Variants in FAM83B observed in about 807,000 individuals in gnomAD.
FAM83B encodes the protein protein FAM83B.
FAM83B carries 26 observed loss-of-function variants against 38.8 expected under a neutral mutation model. The ratio of observed to expected loss-of-function variants is 0.67; its 90% confidence interval spans 0.49 to 0.93. FAM83B has a LOEUF of 0.93. FAM83B is among the 40% of genes least tolerant of loss of function. The pLI, the probability that FAM83B is intolerant of heterozygous loss-of-function variation, is 0.00. For missense variants in FAM83B, 1,237 were observed against 1,197.3 expected (o/e 1.03, Z -0.49); for synonymous variants, 419 against 423.1 (o/e 0.99, Z 0.12).
rs1437872601 is a variant in FAM83B, at chr6:54,903,838, T to C, written c.445-22533T>C. Among the ~76,000 whole-genome samples the C allele has an allele frequency of 2.6e-5, 4 of 152,046 alleles. No individual in the cohort carries two copies. The South Asian group carries it at 8.3e-4, about 32-fold the overall frequency. On this transcript the variant is annotated intron_variant, in intron 2 of 4. Coordinates refer to ENST00000306858, the MANE Select transcript of FAM83B (RefSeq NM_001010872.3). The stretch of plus-strand genomic sequence containing the variant: ...TTTTTCTCTGACATTTTCTGTACAG[T>C]CTTACATTTCATTTTTCAGGCAAAT...
chr6:54,857,182 A>G (rs1771464960), intron 1 of FAM83B, among the ~76,000 whole-genome samples: 1 of 152,198 alleles, frequency 6.6e-6, no homozygotes, highest in African/African-American at 2.4e-5. Flanking sequence ...TGTTAAATGT[A>G]TTTGGGAAGC....
At chr6:54,878,378 A>T (rs577873561) in intron 2 of FAM83B, among the ~76,000 whole-genome samples, 5 of 152,194 alleles carry the variant, frequency 3.3e-5, no homozygotes, top group Non-Finnish European at 7.4e-5. Flanking sequence ...ATAAATAAGG[A>T]GTGCTAGCAG....
At chr6:54,925,304 A>G (rs1317298689) in intron 2 of FAM83B, among the ~76,000 whole-genome samples, 2 of 151,824 alleles carry the variant, frequency 1.3e-5, no homozygotes, top group Admixed American at 6.6e-5. Context: ...TAATTGACTT[A>G]TTTATTATCT....
At chr6:54,896,619 A>C (rs1772543485) in intron 2 of FAM83B, among the ~76,000 whole-genome samples, 2 of 152,204 alleles carry the variant, frequency 1.3e-5, no homozygotes, top group South Asian at 4.1e-4. Context: ...AATACCATAA[A>C]CACAGCAGCA....
chr6:54,884,889 C>CT lies in FAM83B; in HGVS notation c.444+14199_444+14200insT, dbSNP rs533940523. Among the ~76,000 whole-genome samples the CT allele has an allele frequency of 7.8e-3, 1,191 of 151,962 alleles. 7 individuals are homozygous for CT. Among genetic ancestry groups the CT allele is most frequent in the Non-Finnish European group, 0.013 (851 of 67,970 alleles). On this transcript the variant is annotated intron_variant, in intron 2 of 4. Coordinates refer to ENST00000306858, the MANE Select transcript of FAM83B (RefSeq NM_001010872.3). ...CCGGGTTCACGCCATTCTCCTGCCT[C>CT]AGCCTCTCGAGTAGCTGGGACTACA...
At chr6:54,920,897 G>C (rs1052944013) in intron 2 of FAM83B, among the ~76,000 whole-genome samples, 2 of 151,614 alleles carry the variant, frequency 1.3e-5, no homozygotes, top group Non-Finnish European at 3.0e-5. Context: ...CACTTATATT[G>C]GTCTCCAGAC....
intron 2 of FAM83B, among the ~76,000 whole-genome samples, chr6:54,883,658 T>G (rs1214031201): frequency 1.3e-5 from 2 of 152,068 alleles, no homozygotes; most frequent in Non-Finnish European, 2.9e-5. Flanking sequence ...CTAGGTTATT[T>G]TTCTTTTTAA....
At chr6:54,931,256 T>A (rs1054478163) in intron 4 of FAM83B, among the ~76,000 whole-genome samples, 1 of 152,164 alleles carries the variant, frequency 6.6e-6, no homozygotes, top group Non-Finnish European at 1.5e-5. Flanking sequence ...GAGAAGAATG[T>A]ATATTCTGCT....
chr6:54,873,208 G>A (rs922457973), intron 2 of FAM83B, among the ~76,000 whole-genome samples: 1 of 151,764 alleles, frequency 6.6e-6, no homozygotes, highest in African/African-American at 2.4e-5. Flanking sequence ...CTACCCAGAT[G>A]CAATAAATAT....
chr6:54,860,172 G>A (rs139794553), intron 1 of FAM83B, among the ~76,000 whole-genome samples: 84 of 152,126 alleles, frequency 5.5e-4, no homozygotes, highest in African/African-American at 1.9e-3. Flanking sequence ...AAGCTTTTCT[G>A]CATGTTATTA....
chr6:54,863,053 C>T (rs184124329), intron 1 of FAM83B, among the ~76,000 whole-genome samples: 292 of 152,252 alleles, frequency 1.9e-3, no homozygotes, highest in Middle Eastern at 0.014. Flanking sequence ...AACCACAACA[C>T]ACCTCACTGC....
At chr6:54,929,316 A>G (rs1773373567) in intron 4 of FAM83B, among the ~76,000 whole-genome samples, 1 of 152,090 alleles carries the variant, frequency 6.6e-6, no homozygotes, top group Non-Finnish European at 1.5e-5. Flanking sequence ...TGTTTTCCTC[A>G]TAGGCAAGTT....
intron 2 of FAM83B, among the ~76,000 whole-genome samples, chr6:54,881,116 C>T (rs1040952301): frequency 6.6e-6 from 1 of 152,190 alleles, no homozygotes; most frequent in Non-Finnish European, 1.5e-5. Flanking sequence ...GTGGGAGCTG[C>T]TGTGTCTCCC....
intron 1 of FAM83B, among the ~76,000 whole-genome samples, chr6:54,857,754 T>G (rs1464796730): frequency 6.6e-6 from 1 of 152,118 alleles, no homozygotes; most frequent in African/African-American, 2.4e-5. Context: ...AATAAATATT[T>G]TACTTACTTC....
intron 2 of FAM83B, among the ~76,000 whole-genome samples, chr6:54,880,054 CA>C (rs1158013605): frequency 6.6e-5 from 10 of 151,950 alleles, no homozygotes; most frequent in Non-Finnish European, 1.2e-4. Flanking sequence ...TATTTCTGTA[CA>C]AAAAAAGTTT....
intron 2 of FAM83B, among the ~76,000 whole-genome samples, chr6:54,877,210 G>A (rs1246907077): frequency 2.0e-5 from 3 of 152,218 alleles, no homozygotes; most frequent in South Asian, 2.1e-4. Flanking sequence ...GAGATAACTT[G>A]ACCAGACTTA....
At chr6:54,864,081 T>C (rs758965773) in intron 1 of FAM83B, among the ~76,000 whole-genome samples, 7 of 152,234 alleles carry the variant, frequency 4.6e-5, no homozygotes, top group Non-Finnish European at 7.3e-5. Context: ...TGAATTTATT[T>C]ACAGGAATTA....
chr6:54,870,973 G>T (rs1475706530), intron 2 of FAM83B, among the ~76,000 whole-genome samples: 1 of 152,122 alleles, frequency 6.6e-6, no homozygotes, highest in Non-Finnish European at 1.5e-5. Context: ...TGTTGACTAG[G>T]AATAAGATTA....
At chr6:54,877,759 T>C (rs760480884) in intron 2 of FAM83B, among the ~76,000 whole-genome samples, 2 of 152,188 alleles carry the variant, frequency 1.3e-5, no homozygotes, top group Non-Finnish European at 2.9e-5. Context: ...TGATGAAAAA[T>C]ACTGCGTTCA....
Sources: allele counts gnomAD v4.1 joint callset (sites outside exome capture counted in the v4.1 genomes callset), GRCh38; gene constraint gnomAD v4.1.1; transcripts MANE v1.5; gene names NCBI Gene and HGNC (gene_info 2026-07-23, HGNC 2026-07-21).